The following CPLANE1 variants were observed in gnomAD, a reference collection of about 807,000 sequenced individuals.
The protein encoded by CPLANE1 is ciliogenesis and planar polarity effector 1.
CPLANE1 carries 263 observed loss-of-function variants against 362.5 expected under a neutral mutation model. That is an observed-to-expected ratio of 0.73 (90% CI 0.66 to 0.80). The LOEUF (loss-of-function observed/expected upper bound fraction) is 0.80. Ranked by LOEUF, CPLANE1 falls within the 30% of genes least tolerant of loss-of-function variation. CPLANE1 has a pLI of 0.00. For synonymous variants in CPLANE1, 1,212 were observed against 1,302.6 expected, an observed-to-expected ratio of 0.93 and a Z score of 1.50; for missense variants, 3,461 against 3,793.4, an observed-to-expected ratio of 0.91 and a Z score of 2.30.
At chr5:37,134,948 C>T (rs1767181783) in intron 46 of CPLANE1, among the ~76,000 whole-genome samples, 1 of 152,048 alleles carries the variant, frequency 6.6e-6, no homozygotes, top group African/African-American at 2.4e-5. Flanking sequence ...CATGTGCCAC[C>T]ATGCCCAGCT....
intron 49 of CPLANE1, among the ~76,000 whole-genome samples, chr5:37,121,006 C>T (rs1762467708): frequency 6.6e-6 from 1 of 152,124 alleles, no homozygotes; most frequent in Non-Finnish European, 1.5e-5. Context: ...TCATGTTCAC[C>T]CTATGATCAC....
chr5:37,081,657 T>C, the CPLANE1 span, among the ~76,000 whole-genome samples: 1 of 151,630 alleles, frequency 6.6e-6, no homozygotes, highest in Non-Finnish European at 1.5e-5. Flanking sequence ...GGAAAGACAA[T>C]AGGGCAGAAA....
intron 21 of CPLANE1, among the ~76,000 whole-genome samples, chr5:37,193,613 C>T (rs555718124): frequency 7.9e-4 from 120 of 152,196 alleles, no homozygotes; most frequent in Non-Finnish European, 1.3e-3. Context: ...CGAGATTGTG[C>T]CACTGCACTC....
chr5:37,231,072 T>G (rs1180806132), intron 8 of CPLANE1, 23 bp from the exon 9 acceptor site: 1 of 1,463,682 alleles, frequency 6.8e-7, no homozygotes, highest in Non-Finnish European at 9.1e-7. Flanking sequence ...AGAGACAACA[T>G]GTTTAGAAGA....
At chr5:37,172,712 A>G (rs149023160) in intron 32 of CPLANE1, among the ~76,000 whole-genome samples, 2 of 152,364 alleles carry the variant, frequency 1.3e-5, no homozygotes, top group African/African-American at 2.4e-5. Context: ...GCAGCTGGGC[A>G]CAGCGGCTCA....
intron 52 of CPLANE1, 41 bp downstream of exon 52, chr5:37,108,252 A>AC: frequency 3.2e-6 from 5 of 1,545,718 alleles, no homozygotes; most frequent in Non-Finnish European, 4.4e-6. Context: ...TGAAGAACAT[A>AC]GAGCAATCAC....
chr5:37,171,969 GTTT>G (rs1779934000), intron 32 of CPLANE1, among the ~76,000 whole-genome samples: 1 of 151,546 alleles, frequency 6.6e-6, no homozygotes, highest in Non-Finnish European at 1.5e-5. Flanking sequence ...TGCTTTTTGA[GTTT>G]TTGTTTGTTT....
chr5:37,166,199 C>T (rs1010273943), intron 35 of CPLANE1, among the ~76,000 whole-genome samples: 3 of 152,198 alleles, frequency 2.0e-5, no homozygotes, highest in African/African-American at 7.2e-5. Flanking sequence ...ATTTTCTAGA[C>T]TTAGTAATAA....
the CPLANE1 span, among the ~76,000 whole-genome samples, chr5:37,096,779 A>T: frequency 6.6e-6 from 1 of 152,168 alleles, no homozygotes; most frequent in African/African-American, 2.4e-5. Flanking sequence ...AAGATACACA[A>T]ATGGCCAACA....
rs2151007072 is a variant in CPLANE1 at position 37,173,813 on chromosome 5, G to C, written c.6113C>G (p.Pro2038Arg). The change falls in exon 32 of 53, where the codon CCA (proline) becomes CGA (arginine). Residue 2038 changes from proline to arginine, a missense_variant. By Grantham distance (103) the Pro-to-Arg change is moderately radical (BLOSUM62 -2). Coordinates refer to ENST00000651892, the MANE Select transcript of CPLANE1 (RefSeq NM_001384732.1). ...TQRNEFTAQL[P>R]DCSESVRQML... The stretch of plus-strand genomic sequence containing the variant: ...CTGCCTAACGGACTCCGAACAATCT[G>C]GTAACTGAGCCGTGAATTCATTTCT... The C allele has an allele frequency of 6.2e-7, 1 of 1,614,102 alleles. No homozygotes were observed. Among genetic ancestry groups the C allele is most frequent in the Non-Finnish European group, 8.5e-7 (1 of 1,180,032 alleles).
chr5:37,178,085 G>A (rs1781680821), intron 29 of CPLANE1, among the ~76,000 whole-genome samples: 1 of 152,130 alleles, frequency 6.6e-6, no homozygotes, highest in African/African-American at 2.4e-5. Flanking sequence ...TTGAGGTCAG[G>A]AGCTCAAGAT....
chr5:37,148,084 A>G, intron 43 of CPLANE1, 97 bp downstream of exon 43: 3 of 718,030 alleles, frequency 4.2e-6, no homozygotes, highest in Non-Finnish European at 6.5e-6. Context: ...TCACATAATG[A>G]AAACTACTCC....
Position 37,195,901 on chromosome 5 carries a change from T to G in CPLANE1, c.3768A>C (p.Ala1256=), listed in dbSNP as rs754537918. 4.3e-6 allele frequency: 7 copies of G among 1,613,346 alleles called. No individual in the cohort carries two copies. In the South Asian group the frequency reaches 6.6e-5, roughly 15 times the overall value. The change falls in exon 21 of 53, where the codon GCA becomes GCC. Residue 1256 remains alanine, a synonymous_variant. Transcript: ENST00000651892. ...CTTCATCAAGCTTGTGGTCTCCAGC[T>G]GCTCCAGGTCTAAAAAATGCGATAC... ...KGGIAFFRPG[A]AGDHKLDEVS...
intron 51 of CPLANE1, among the ~76,000 whole-genome samples, chr5:37,109,603 T>G (rs987105512): frequency 1.2e-4 from 18 of 152,314 alleles, no homozygotes; most frequent in African/African-American, 4.3e-4. Flanking sequence ...ACCACACTGT[T>G]AATTTTTACC....
chr5:37,192,891 G>A (rs571150117), intron 21 of CPLANE1, among the ~76,000 whole-genome samples: 14 of 136,630 alleles, frequency 1.0e-4, no homozygotes, highest in African/African-American at 3.0e-4. Flanking sequence ...CATCTGGGCC[G>A]GGCATAGTGG....
intron 39 of CPLANE1, 64 bp from the exon 40 acceptor site, chr5:37,157,932 C>CAAAA (rs1157107088): frequency 1.1e-3 from 74 of 67,838 alleles, no homozygotes; most frequent in Admixed American, 2.3e-3. Context: ...GTCACTCCGC[C>CAAAA]AAAAAAAAAA....
At chr5:37,129,509 G>T (rs1346242819) in intron 46 of CPLANE1, among the ~76,000 whole-genome samples, 1 of 151,726 alleles carries the variant, frequency 6.6e-6, no homozygotes, top group Non-Finnish European at 1.5e-5. Flanking sequence ...ATCCGACAAA[G>T]AACTAATATC....
chr5:37,124,581 C>T (rs983209576), intron 47 of CPLANE1, among the ~76,000 whole-genome samples: 8 of 152,172 alleles, frequency 5.3e-5, no homozygotes, highest in African/African-American at 1.2e-4. Context: ...GACACAGGGT[C>T]GCCCTTTGTC....
At chr5:37,150,536 A>G (rs80348777) in intron 42 of CPLANE1, among the ~76,000 whole-genome samples, 6,879 of 151,908 alleles carry the variant, frequency 0.045, 530 homozygotes, top group African/African-American at 0.16. Flanking sequence ...ACACACACAC[A>G]CACACAACTC....
Sources: allele counts gnomAD v4.1 joint callset (sites outside exome capture counted in the v4.1 genomes callset), GRCh38; gene constraint gnomAD v4.1.1; transcripts MANE v1.5; gene names NCBI Gene and HGNC (gene_info 2026-07-23, HGNC 2026-07-21).